The following MRM1 variants were observed in gnomAD, a reference collection of about 807,000 sequenced individuals.
MRM1 encodes the protein mitochondrial rRNA methyltransferase 1, also known as rRNA methyltransferase 1, mitochondrial.
MRM1 carries 24 observed loss-of-function variants against 25.0 expected under a neutral mutation model. The observed-to-expected ratio is 0.96, with a 90% CI of 0.69 to 1.35. The LOEUF (loss-of-function observed/expected upper bound fraction) is 1.35, where lower values mean the gene tolerates loss of function less well. MRM1 is among the 40% of genes most tolerant of loss of function. MRM1 has a pLI of 0.00. For missense variants in MRM1, 431 were observed against 464.1 expected, an observed-to-expected ratio of 0.93 and a Z score of 0.65; for synonymous variants, 188 against 199.2, an observed-to-expected ratio of 0.94 and a Z score of 0.47.
In MRM1 at chr17:36,602,765, T is replaced by C; in HGVS notation, c.636+119T>C. ...CATGTTGGCACCGCTTCCTTTGGCC[T>C]TCTAAATCCCTCTGGGGATGGAAGG... On this transcript the variant is annotated intron_variant, in intron 2 of 4. Coordinates refer to ENST00000614766, the MANE Select transcript of MRM1 (RefSeq NM_024864.5). This position sits in a 1 kb window ranked among gnomAD's most constrained non-coding sequence, Gnocchi z 4.1. 7.5e-7 allele frequency: 1 copy of C among 1,333,774 alleles called. No homozygotes were observed. Among genetic ancestry groups the C allele is most frequent in the Non-Finnish European group, 1.0e-6 (1 of 956,002 alleles). The allele number at this position is 1,333,774 out of a possible 1,614,324, so 82.6% of individuals were successfully genotyped here. A position where few individuals can be genotyped will look rare whatever the true frequency, so the allele number is the denominator to read the frequency against.
At chr17:36,606,977 C>A (rs2074935636) in intron 2 of MRM1, among the ~76,000 whole-genome samples, 1 of 148,134 alleles carries the variant, frequency 6.8e-6, no homozygotes, top group Non-Finnish European at 1.5e-5. Flanking sequence ...TACAATGGCG[C>A]AATCTCGGTT....
At chr17:36,609,957 ACT>A (rs1273461956), downstream of MRM1, among the ~76,000 whole-genome samples, 2 of 151,988 alleles carry the variant, frequency 1.3e-5, no homozygotes, top group Admixed American at 1.3e-4. Flanking sequence ...ACAGGGTCTC[ACT>A]CTGTCGCTCA....
chr17:36,610,046 C>T (rs986799383), downstream of MRM1, among the ~76,000 whole-genome samples: 2 of 151,798 alleles, frequency 1.3e-5, no homozygotes, highest in Non-Finnish European at 2.9e-5. Flanking sequence ...CTGCCTCAGC[C>T]TTCCAAGTGG....
In MRM1 at chr17:36,602,082, T is replaced by C; in HGVS notation, c.272T>C (p.Met91Thr). 6 of 1,610,726 alleles carry C rather than the reference T, an allele frequency of 3.7e-6. No homozygotes were observed. The highest frequency in any genetic ancestry group is 5.1e-6 in the Non-Finnish European group (6 of 1,179,648). Residue 91 changes from methionine to threonine, a missense_variant, in exon 1 of 5, where the codon ATG (methionine) becomes ACG (threonine). Transcript: ENST00000614766. The surrounding 1 kb of genome is among the most constrained non-coding windows in gnomAD (Gnocchi z 4.1). ...LQGKRAELLR[M>T]AEARDIPVLR... ...GGGAAGCGGGCCGAGCTGCTCCGGA[T>C]GGCCGAGGCGCGGGACATTCCAGTT...
chr17:36,626,984 C>A, the MRM1 span, among the ~76,000 whole-genome samples: 11 of 152,212 alleles, frequency 7.2e-5, no homozygotes, highest in Non-Finnish European at 1.0e-4. Context: ...CCACATGCTG[C>A]GCATCTGCGG....
At chr17:36,625,153 C>G in the MRM1 span, among the ~76,000 whole-genome samples, 1 of 152,158 alleles carries the variant, frequency 6.6e-6, no homozygotes, top group Admixed American at 6.5e-5. Flanking sequence ...AGGCTCCTCA[C>G]CTCTGCTCTC....
chr17:36,607,606 G>A (rs1386845643), intron 2 of MRM1, 64 bp from the exon 3 acceptor site: 2 of 1,545,006 alleles, frequency 1.3e-6, no homozygotes, highest in East Asian at 2.3e-5. Context: ...CTGAGCGAGA[G>A]TAAGACCCTA....
At chr17:36,627,798 C>T in the MRM1 span, among the ~76,000 whole-genome samples, 8 of 151,608 alleles carry the variant, frequency 5.3e-5, no homozygotes, top group Non-Finnish European at 1.0e-4. Flanking sequence ...CTCAGCCTCC[C>T]GAGTAGCTGG....
chr17:36,632,000 A>C, the MRM1 span, among the ~76,000 whole-genome samples: 1 of 152,098 alleles, frequency 6.6e-6, no homozygotes, highest in Non-Finnish European at 1.5e-5. Context: ...CAACCCAGGG[A>C]AAAATAACCA....
the MRM1 span, among the ~76,000 whole-genome samples, chr17:36,627,545 G>A: frequency 6.6e-6 from 1 of 152,044 alleles, no homozygotes; most frequent in Non-Finnish European, 1.5e-5. Context: ...ACCCTGACTG[G>A]GTTATAATCT....
chr17:36,633,391 G>A, the MRM1 span, among the ~76,000 whole-genome samples: 1 of 152,208 alleles, frequency 6.6e-6, no homozygotes, highest in Non-Finnish European at 1.5e-5. Context: ...CGTGAGGGAA[G>A]AGGATTCTGC....
Position 36,602,484 on chromosome 17 carries a change from G to A in MRM1, c.543-69G>A, listed in dbSNP as rs146127360. ...ACTCTCATCCCCCTAGCCCTTGGGAGCCCTGGGAGGGTAGGGAGCCGGGCT... is the reference window on the plus strand; with the variant it reads ...ACTCTCATCCCCCTAGCCCTTGGGAACCCTGGGAGGGTAGGGAGCCGGGCT... On this transcript the variant is annotated intron_variant, in intron 1 of 4. Transcript: ENST00000614766. This position sits in a 1 kb window ranked among gnomAD's most constrained non-coding sequence, Gnocchi z 4.1. 3.1e-6 allele frequency: 5 copies of A among 1,608,606 alleles called. No homozygotes were observed. The East Asian group carries it at 1.1e-4, about 36-fold the overall frequency.
At chr17:36,630,672 C>T in the MRM1 span, among the ~76,000 whole-genome samples, 1 of 152,054 alleles carries the variant, frequency 6.6e-6, no homozygotes, top group Non-Finnish European at 1.5e-5. Context: ...CTTCCCGGTC[C>T]CATTGCAGGG....
chr17:36,602,864 CT>C lies in MRM1; in HGVS notation c.636+220del. ...TAGCGTTATACCCTTTCCTGCACCC[CT>C]TCCCCAGGTATGCACCACTTTGCCT... On this transcript the variant is annotated intron_variant, in intron 2 of 4. Coordinates refer to ENST00000614766, the MANE Select transcript of MRM1 (RefSeq NM_024864.5). This position sits in a 1 kb window ranked among gnomAD's most constrained non-coding sequence, Gnocchi z 4.1. The C allele has an allele frequency of 3.3e-6, 3 of 902,696 alleles. No homozygotes were observed. The highest frequency in any genetic ancestry group is 4.0e-6 in the Non-Finnish European group (3 of 754,506). 55.9% of individuals were successfully genotyped at this position (902,696 alleles called of 1,614,324 possible).
intron 4 of MRM1, 28 bp from the exon 5 acceptor site, chr17:36,608,215 C>T: frequency 6.5e-7 from 1 of 1,542,062 alleles, no homozygotes; most frequent in Non-Finnish European, 8.8e-7. Flanking sequence ...CCTCCGTCCT[C>T]TCTTCCCTTG....
chr17:36,633,600 AGG>A, the MRM1 span, among the ~76,000 whole-genome samples: 1 of 150,742 alleles, frequency 6.6e-6, no homozygotes, highest in East Asian at 2.0e-4. Flanking sequence ...GAAGAAGAGA[AGG>A]GGAGGAGGAA....
chr17:36,627,961 C>A, the MRM1 span, among the ~76,000 whole-genome samples: 1 of 152,142 alleles, frequency 6.6e-6, no homozygotes, highest in Non-Finnish European at 1.5e-5. Flanking sequence ...CAGGTGTGAG[C>A]CACTGCGCCC....
chr17:36,627,281 G>C, the MRM1 span, among the ~76,000 whole-genome samples: 1 of 152,246 alleles, frequency 6.6e-6, no homozygotes, highest in Non-Finnish European at 1.5e-5. Context: ...GCAGCTGCTG[G>C]AAGTGAGCGG....
downstream of MRM1, among the ~76,000 whole-genome samples, chr17:36,611,915 T>C (rs1001182236): frequency 4.6e-5 from 7 of 152,088 alleles, no homozygotes; most frequent in Non-Finnish European, 8.8e-5. Context: ...GCCTCCATCA[T>C]TGCATGAGCC....
Sources: allele counts gnomAD v4.1 joint callset (sites outside exome capture counted in the v4.1 genomes callset), GRCh38; gene constraint gnomAD v4.1.1; non-coding constraint Gnocchi (gnomAD v3.1); transcripts MANE v1.5; gene names NCBI Gene and HGNC (gene_info 2026-07-23, HGNC 2026-07-21).